SLC35D2: variants seen among roughly 807,000 people sequenced by gnomAD.
SLC35D2 encodes the protein solute carrier family 35 member D2, also known as nucleotide sugar transporter SLC35D2.
Under a neutral mutation model 41.8 loss-of-function variants are expected in SLC35D2, and 43 were observed. The observed-to-expected ratio is 1.03, with a 90% CI of 0.81 to 1.33. The LOEUF is 1.33. Among genes scored for constraint, SLC35D2 ranks in the 40% most tolerant of loss-of-function variants. The pLI is 0.00. For synonymous variants in SLC35D2, 150 were observed against 163.9 expected, an observed-to-expected ratio of 0.92 and a Z score of 0.65; for missense variants, 380 against 408.4, an observed-to-expected ratio of 0.93 and a Z score of 0.60.
At chr9:96,357,115 T>G (rs1167168883) in intron 4 of SLC35D2, among the ~76,000 whole-genome samples, 1 of 150,956 alleles carries the variant, frequency 6.6e-6, no homozygotes, top group Non-Finnish European at 1.5e-5. Context: ...GAGGTGGAGG[T>G]TGCGGTGAGC....
chr9:96,341,351 G>A (rs986609811), intron 8 of SLC35D2, among the ~76,000 whole-genome samples: 8 of 152,010 alleles, frequency 5.3e-5, no homozygotes, highest in African/African-American at 1.9e-4. Context: ...TTCTATAAGG[G>A]AAGGATATGT....
intron 1 of SLC35D2, among the ~76,000 whole-genome samples, chr9:96,381,166 C>T (rs1266951381): frequency 6.6e-6 from 1 of 152,248 alleles, no homozygotes; most frequent in Non-Finnish European, 1.5e-5. Flanking sequence ...TCAAAACCTT[C>T]CAAGGGACTT....
intron 11 of SLC35D2, 125 bp from the exon 12 acceptor site, chr9:96,321,466 TCTC>T: frequency 4.5e-6 from 3 of 662,284 alleles, no homozygotes; most frequent in South Asian, 3.7e-5. Flanking sequence ...TATCTGTGTT[TCTC>T]CTCAAGTTTG....
chr9:96,361,273 T>C (rs1437023037), intron 3 of SLC35D2, among the ~76,000 whole-genome samples: 1 of 152,210 alleles, frequency 6.6e-6, no homozygotes, highest in Non-Finnish European at 1.5e-5. Flanking sequence ...CCCACATTTA[T>C]ATGTTGAAGC....
intron 4 of SLC35D2, 49 bp downstream of exon 4, chr9:96,360,105 G>T: frequency 2.2e-6 from 3 of 1,365,372 alleles, no homozygotes; most frequent in Non-Finnish European, 3.1e-6. Flanking sequence ...TGTACCACTG[G>T]CAGCACAGAG....
chr9:96,331,180 G>A (rs1248062971), intron 9 of SLC35D2, among the ~76,000 whole-genome samples: 2 of 152,214 alleles, frequency 1.3e-5, no homozygotes, highest in Non-Finnish European at 2.9e-5. Context: ...TTACAGGCTT[G>A]AGCCACCATG....
chr9:96,344,710 CTGGGGGTGGGGGAGGGA>C (rs1829497167), intron 7 of SLC35D2, among the ~76,000 whole-genome samples: 4 of 34,436 alleles, frequency 1.2e-4, no homozygotes, highest in Admixed American at 3.9e-4. Context: ...CTTGTAACAG[CTGGGGGTGGGGGAGGGA>C]TGGGGGAGGG....
chr9:96,344,655 A>C (rs1829492923), intron 7 of SLC35D2, among the ~76,000 whole-genome samples: 1 of 138,520 alleles, frequency 7.2e-6, no homozygotes, highest in East Asian at 2.2e-4. Context: ...CAGCACAAAG[A>C]GCTTGGAACA....
intron 1 of SLC35D2, among the ~76,000 whole-genome samples, chr9:96,372,241 T>C (rs1830730735): frequency 6.6e-6 from 1 of 152,196 alleles, no homozygotes; most frequent in Non-Finnish European, 1.5e-5. Flanking sequence ...AAAGATAAGT[T>C]AATTGAGACT....
chr9:96,347,987 C>G (rs995314229), intron 6 of SLC35D2, among the ~76,000 whole-genome samples: 1 of 152,204 alleles, frequency 6.6e-6, no homozygotes, highest in Admixed American at 6.5e-5. Flanking sequence ...AGCAAATCAT[C>G]AAGAAATAAC....
chr9:96,321,868 A>G (rs543716356), intron 11 of SLC35D2, 130 bp downstream of exon 11: 2 of 606,892 alleles, frequency 3.3e-6, no homozygotes, highest in East Asian at 5.5e-5. Context: ...TATCTTAGAA[A>G]TTAGAATGTC....
intron 9 of SLC35D2, among the ~76,000 whole-genome samples, chr9:96,331,727 G>A (rs757882066): frequency 1.4e-4 from 21 of 152,138 alleles, no homozygotes; most frequent in Admixed American, 3.3e-4. Context: ...GCCGCAGACC[G>A]GTACCAGTGC....
At chr9:96,352,012 G>T in intron 5 of SLC35D2, 26 bp downstream of exon 5, 1 of 1,534,362 alleles carries the variant, frequency 6.5e-7, no homozygotes, top group Middle Eastern at 1.7e-4. Context: ...AGGCACACTG[G>T]AAGAATGGAG....
chr9:96,382,249 GGCCTAGACCA>G (rs1379468556), intron 1 of SLC35D2, among the ~76,000 whole-genome samples: 1 of 151,712 alleles, frequency 6.6e-6, no homozygotes, highest in Non-Finnish European at 1.5e-5. Context: ...GGCCAAAGCA[GGCCTAGACCA>G]GCCTTGGAAA....
intron 9 of SLC35D2, among the ~76,000 whole-genome samples, chr9:96,329,298 A>G (rs887265743): frequency 2.6e-5 from 4 of 151,760 alleles, no homozygotes; most frequent in Non-Finnish European, 4.4e-5. Context: ...TGGTGCCATC[A>G]TAGCTCACTG....
Position 96,369,374 on chromosome 9 carries a change from G to A in SLC35D2, c.159-1069C>T, listed in dbSNP as rs547106074. Among the ~76,000 whole-genome samples the A allele has an allele frequency of 5.3e-5, 8 of 152,170 alleles. No individual in the cohort carries two copies. In the South Asian group the frequency reaches 1.5e-3, roughly 28 times the overall value. On this transcript the variant is annotated intron_variant, in intron 1 of 11. Coordinates refer to ENST00000253270, the MANE Select transcript of SLC35D2 (RefSeq NM_007001.3). ...CCGAACTTATTTATAGAATCAGTGC[G>A]ATCTCAGCAGAAATATCAGCAGATA...
downstream of SLC35D2, among the ~76,000 whole-genome samples, chr9:96,316,229 G>A (rs1397048051): frequency 6.6e-6 from 1 of 152,188 alleles, no homozygotes; most frequent in African/African-American, 2.4e-5. Context: ...GGCTGGGCAT[G>A]GTGGCTCACA....
Position 96,365,040 on chromosome 9 carries a change from CAAA to C in SLC35D2, c.193-493_193-491del, listed in dbSNP as rs59249417. On this transcript the variant is annotated intron_variant, in intron 2 of 11. Transcript: ENST00000253270. ...CCTCCAGAGTGAGACACCACTGTCT[CAAA>C]AAAAAAAAAAAAAAAAAAAGGTAAT... 7.8e-3 allele frequency among the ~76,000 whole-genome samples: 383 copies of C among 49,398 alleles called. 1 individual carries two copies. The highest frequency in any genetic ancestry group is 0.027 in the African/African-American group (363 of 13,310). 32.4% of individuals were successfully genotyped at this position (49,398 alleles called of 152,430 possible).
At chr9:96,327,114 G>A (rs1020698717) in intron 9 of SLC35D2, among the ~76,000 whole-genome samples, 6 of 152,140 alleles carry the variant, frequency 3.9e-5, no homozygotes, top group Admixed American at 1.3e-4. Context: ...CCTGCAGGCC[G>A]CCTATGCACC....
Sources: allele counts gnomAD v4.1 joint callset (sites outside exome capture counted in the v4.1 genomes callset), GRCh38; gene constraint gnomAD v4.1.1; transcripts MANE v1.5; gene names NCBI Gene and HGNC (gene_info 2026-07-23, HGNC 2026-07-21).